Variants in IL15 observed in about 807,000 individuals in gnomAD.
IL15 encodes the protein interleukin 15.
IL15 carries 11 observed loss-of-function variants against 19.6 expected under a neutral mutation model. The ratio of observed to expected loss-of-function variants is 0.56; its 90% CI spans 0.35 to 0.93. The LOEUF (loss-of-function observed/expected upper bound fraction) is 0.93, where lower values mean the gene tolerates loss of function less well. IL15 is among the 40% of genes least tolerant of loss of function. IL15 has a pLI of 0.01. For synonymous variants in IL15, 58 were observed against 59.6 expected (o/e 0.97, Z 0.12); for missense variants, 197 against 186.5 (o/e 1.06, Z -0.33).
At chr4:141,697,602 A>G (rs1194874049) in intron 2 of IL15, among the ~76,000 whole-genome samples, 2 of 152,022 alleles carry the variant, frequency 1.3e-5, no homozygotes, top group African/African-American at 2.4e-5. Flanking sequence ...GCTTTTGGCA[A>G]TATGGTCATT....
chr4:141,677,922 T>C (rs1341128748), intron 2 of IL15, among the ~76,000 whole-genome samples: 1 of 152,174 alleles, frequency 6.6e-6, no homozygotes, highest in Non-Finnish European at 1.5e-5. Context: ...CTGCTTACCA[T>C]ATCATATTGC....
intron 2 of IL15, among the ~76,000 whole-genome samples, chr4:141,686,107 C>T (rs555764309): frequency 3.9e-5 from 6 of 151,982 alleles, no homozygotes; most frequent in African/African-American, 1.4e-4. Flanking sequence ...CCAGCCTGGC[C>T]AACATGGCGA....
At chr4:141,723,923 A>G (rs905856219) in intron 5 of IL15, among the ~76,000 whole-genome samples, 4 of 152,176 alleles carry the variant, frequency 2.6e-5, no homozygotes, top group Non-Finnish European at 5.9e-5. Flanking sequence ...CCTCCTCAGT[A>G]ACTAATGGAA....
In IL15 at chr4:141,729,938, T is replaced by C. The variant is rs754652178; in HGVS notation, c.332T>C (p.Val111Ala). The change falls in exon 7 of 8, where the codon GTA becomes GCA. Residue 111 changes from valine to alanine, a missense_variant. Coordinates refer to ENST00000320650, the MANE Select transcript of IL15 (RefSeq NM_000585.5). ...ESGDASIHDT[V>A]ENLIILANNS... Reference sequence around the variant, plus strand: ...GGAGATGCAAGTATTCATGATACAGTAGAAAATCTGATCATCCTAGCAAAC... The same window carrying C: ...GGAGATGCAAGTATTCATGATACAGCAGAAAATCTGATCATCCTAGCAAAC... The C allele has an allele frequency of 6.2e-7, 1 of 1,603,712 alleles. No homozygotes were observed. The highest frequency in any genetic ancestry group is 1.7e-5 in the Admixed American group (1 of 59,986).
chr4:141,713,967 C>A (rs1178736507), intron 2 of IL15, among the ~76,000 whole-genome samples: 3 of 152,054 alleles, frequency 2.0e-5, no homozygotes, highest in African/African-American at 7.2e-5. Flanking sequence ...CACATACCAC[C>A]CTAATGACTA....
At chr4:141,649,375 T>G (rs2152154941) in intron 1 of IL15, among the ~76,000 whole-genome samples, 1 of 152,180 alleles carries the variant, frequency 6.6e-6, no homozygotes, top group South Asian at 2.1e-4. Context: ...ACTTTTCAGA[T>G]AAGTAAACTG....
intron 3 of IL15, among the ~76,000 whole-genome samples, 197 bp downstream of exon 3, chr4:141,719,673 T>C (rs944695603): frequency 9.2e-5 from 14 of 152,202 alleles, no homozygotes; most frequent in Non-Finnish European, 2.1e-4. Context: ...TGATAGGCTC[T>C]TCTTGTCATT....
intron 2 of IL15, among the ~76,000 whole-genome samples, chr4:141,680,064 T>C (rs1273417987): frequency 2.0e-5 from 3 of 152,232 alleles, no homozygotes; most frequent in African/African-American, 4.8e-5. Flanking sequence ...GAACCTATAC[T>C]ACTATATATT....
intron 7 of IL15, among the ~76,000 whole-genome samples, chr4:141,730,489 A>G (rs1246724880): frequency 6.6e-6 from 1 of 152,140 alleles, no homozygotes; most frequent in African/African-American, 2.4e-5. Context: ...AGCCTGGATC[A>G]CTCGCTTCAG....
chr4:141,717,747 T>G (rs1850853), intron 2 of IL15: 120,903 of 151,686 alleles, frequency 0.8, 48,769 homozygotes, highest in East Asian at 0.99. Flanking sequence ...CACAACCTCT[T>G]TCTCCCGGGT....
chr4:141,688,399 T>C (rs987826023), intron 2 of IL15, among the ~76,000 whole-genome samples: 1 of 152,104 alleles, frequency 6.6e-6, no homozygotes, highest in African/African-American at 2.4e-5. Context: ...AGGGAGGAGA[T>C]CGCTTTAAAA....
At chr4:141,696,760 T>C (rs187416305) in intron 2 of IL15, among the ~76,000 whole-genome samples, 52 of 152,132 alleles carry the variant, frequency 3.4e-4, no homozygotes, top group Middle Eastern at 3.4e-3. Flanking sequence ...CCCTGATGAT[T>C]AGTGATGTTG....
At chr4:141,698,202 G>C (rs1454923383) in intron 2 of IL15, among the ~76,000 whole-genome samples, 1 of 152,026 alleles carries the variant, frequency 6.6e-6, no homozygotes, top group African/African-American at 2.4e-5. Flanking sequence ...TGATCATGAT[G>C]TATTATCTTT....
chr4:141,656,322 A>G lies in IL15; in HGVS notation c.-100+15A>G, dbSNP rs1274802125. The stretch of plus-strand genomic sequence containing the variant: ...TACAAGATCGTGTAAGTAAAGTTTT[A>G]AAAGTTTTATCATGCAATACAGATA... On this transcript the variant is annotated intron_variant, in intron 2 of 7. Transcript: ENST00000320650. 1 of 398,258 alleles carries G rather than the reference A, an allele frequency of 2.5e-6. No individual in the cohort carries two copies. 24.7% of individuals were successfully genotyped at this position (398,258 alleles called of 1,614,324 possible).
Position 141,676,113 on chromosome 4 carries a change from G to A in IL15, c.-100+19806G>A, listed in dbSNP as rs182590094. 1.8e-3 allele frequency among the ~76,000 whole-genome samples: 266 copies of A among 151,306 alleles called. 3 individuals are homozygous for A. Among genetic ancestry groups the A allele is most frequent in the Non-Finnish European group, 5.9e-5 (4 of 67,830 alleles). ...TCTTGATATTTAGAAAGTTTTTAAG[G>A]CATATTTAGAAAGTTTTTAAGGCAT... On this transcript the variant is annotated intron_variant, in intron 2 of 7. Coordinates refer to ENST00000320650, the MANE Select transcript of IL15 (RefSeq NM_000585.5).
intron 2 of IL15, among the ~76,000 whole-genome samples, chr4:141,697,384 C>A (rs2152180103): frequency 6.6e-6 from 1 of 152,190 alleles, no homozygotes; most frequent in Non-Finnish European, 1.5e-5. Context: ...TATTTTCATT[C>A]CAGTACTATG....
intron 2 of IL15, among the ~76,000 whole-genome samples, chr4:141,698,468 T>A (rs1359879311): frequency 6.8e-6 from 1 of 147,508 alleles, no homozygotes; most frequent in Non-Finnish European, 1.5e-5. Context: ...GGTCCTGGAC[T>A]TTTTTTTTTG....
In IL15 at chr4:141,733,112, T is replaced by A. The variant is rs1005681290; in HGVS notation, c.*264T>A. The A allele has an allele frequency of 3.0e-5, 9 of 304,962 alleles. No individual in the cohort carries two copies. Among genetic ancestry groups the A allele is most frequent in the Non-Finnish European group, 4.5e-5 (8 of 176,334 alleles). 18.9% of individuals were successfully genotyped at this position (304,962 alleles called of 1,614,324 possible). ...GAAATTGTACATATTTGTGGAATAA[T>A]GTAAAATGTTGAATAAAAATATGTA... is the stretch of plus-strand genomic sequence containing the variant. On this transcript the variant is annotated 3_prime_UTR_variant, in exon 8 of 8. Transcript: ENST00000320650.
chr4:141,678,755 C>A, intron 2 of IL15, among the ~76,000 whole-genome samples: 1 of 152,032 alleles, frequency 6.6e-6, no homozygotes, highest in East Asian at 1.9e-4. Flanking sequence ...GCACGTGCCA[C>A]CACACCCGGC....
Sources: gnomAD v4.1 joint callset for allele counts (sites outside exome capture counted in the v4.1 genomes callset) on GRCh38, gnomAD v4.1.1 for gene constraint, MANE v1.5 for transcripts, NCBI Gene and HGNC (gene_info 2026-07-23, HGNC 2026-07-21) for gene names.